The following MIS18A variants were observed in gnomAD, a reference collection of about 807,000 sequenced individuals.
The protein encoded by MIS18A is protein Mis18-alpha.
MIS18A carries 14 observed loss-of-function variants against 25.0 expected under a neutral mutation model. That is an observed-to-expected ratio of 0.56 (90% CI 0.37 to 0.88). The LOEUF is 0.88. MIS18A is among the 40% of genes least tolerant of loss of function. The probability of loss-of-function intolerance (pLI) is 0.00; values close to 1 mark genes in which losing one functional copy is unlikely to be tolerated. For missense variants in MIS18A, 292 were observed against 290.8 expected, an observed-to-expected ratio of 1.00 and a Z score of -0.03; for synonymous variants, 134 against 118.6, an observed-to-expected ratio of 1.13 and a Z score of -0.84.
At chr21:32,265,517 G>C (rs372721519), downstream of MIS18A, among the ~76,000 whole-genome samples, 1 of 152,206 alleles carries the variant, frequency 6.6e-6, no homozygotes, top group Non-Finnish European at 1.5e-5. Context: ...CAGCAGTGCC[G>C]GCCCACCGGC....
chr21:32,204,127 G>C, the MIS18A span, among the ~76,000 whole-genome samples: 2 of 152,124 alleles, frequency 1.3e-5, no homozygotes. Context: ...CAAATGAATC[G>C]ACAGACATAT....
At chr21:32,216,277 G>A in the MIS18A span, among the ~76,000 whole-genome samples, 2 of 152,066 alleles carry the variant, frequency 1.3e-5, no homozygotes, top group South Asian at 2.1e-4. Flanking sequence ...GCCCACAATC[G>A]CAGTGAAAAA....
the MIS18A span, among the ~76,000 whole-genome samples, chr21:32,168,504 T>C: frequency 5.3e-5 from 8 of 152,320 alleles, no homozygotes; most frequent in South Asian, 1.0e-3. Context: ...ATGGTAAATA[T>C]ATTGCTGAAA....
the MIS18A span, among the ~76,000 whole-genome samples, chr21:32,165,146 C>A: frequency 6.6e-6 from 1 of 152,072 alleles, no homozygotes; most frequent in Non-Finnish European, 1.5e-5. Flanking sequence ...CCAGCCTGAC[C>A]AACATGGAGA....
At chr21:32,275,195 G>A (rs937241485) in intron 1 of MIS18A, among the ~76,000 whole-genome samples, 8 of 152,040 alleles carry the variant, frequency 5.3e-5, no homozygotes, top group Non-Finnish European at 1.0e-4. Context: ...ACAACATAAC[G>A]AGACTCCATC....
chr21:32,276,095 C>T (rs1252638031), intron 1 of MIS18A, among the ~76,000 whole-genome samples: 2 of 152,164 alleles, frequency 1.3e-5, no homozygotes, highest in Non-Finnish European at 2.9e-5. Context: ...TTCTCTTTAA[C>T]CAGTCTCAAG....
chr21:32,276,601 T>C (rs1409047396), intron 1 of MIS18A, among the ~76,000 whole-genome samples: 1 of 152,124 alleles, frequency 6.6e-6, no homozygotes, highest in Non-Finnish European at 1.5e-5. Flanking sequence ...AGCTTTTTTA[T>C]GTTAATGAGT....
At chr21:32,256,515 C>T in the MIS18A span, among the ~76,000 whole-genome samples, 7 of 152,236 alleles carry the variant, frequency 4.6e-5, no homozygotes, top group Non-Finnish European at 7.4e-5. Context: ...CTGGTTTTCC[C>T]GGGACAATTG....
the MIS18A span, among the ~76,000 whole-genome samples, chr21:32,167,833 A>T: frequency 6.6e-6 from 1 of 152,226 alleles, no homozygotes; most frequent in Non-Finnish European, 1.5e-5. Flanking sequence ...AAGTCTGTTT[A>T]ACTGCCTGAG....
the MIS18A span, among the ~76,000 whole-genome samples, chr21:32,185,402 G>A: frequency 4.6e-5 from 7 of 152,188 alleles, no homozygotes; most frequent in African/African-American, 1.7e-4. Flanking sequence ...TCCAGAGGTA[G>A]TGCTCCCACA....
At chr21:32,255,035 A>T in the MIS18A span, among the ~76,000 whole-genome samples, 3 of 152,248 alleles carry the variant, frequency 2.0e-5, no homozygotes, top group Non-Finnish European at 4.4e-5. Context: ...AGTAATATAG[A>T]ATATGCACAG....
chr21:32,257,322 C>T, the MIS18A span, among the ~76,000 whole-genome samples: 2 of 152,206 alleles, frequency 1.3e-5, no homozygotes, highest in African/African-American at 4.8e-5. Context: ...GCCAGAGATG[C>T]TGTTAAATAA....
At chr21:32,192,653 C>G in the MIS18A span, among the ~76,000 whole-genome samples, 1 of 152,250 alleles carries the variant, frequency 6.6e-6, no homozygotes, top group Non-Finnish European at 1.5e-5. Context: ...TGCCCATTAG[C>G]AGGGAGCAGG....
the MIS18A span, among the ~76,000 whole-genome samples, chr21:32,183,866 C>T: frequency 1.3e-4 from 20 of 152,322 alleles, no homozygotes; most frequent in East Asian, 3.7e-3. Context: ...GTGCACCACA[C>T]CTGAATGCAG....
the MIS18A span, among the ~76,000 whole-genome samples, chr21:32,211,750 A>G: frequency 6.6e-6 from 1 of 152,248 alleles, no homozygotes; most frequent in Non-Finnish European, 1.5e-5. Flanking sequence ...GATGGACTTC[A>G]TAATCATGCA....
the MIS18A span, among the ~76,000 whole-genome samples, chr21:32,250,180 T>TC: frequency 6.6e-6 from 1 of 152,112 alleles, no homozygotes; most frequent in East Asian, 1.9e-4. Context: ...CTTGCCCCTT[T>TC]TTTTTTCCAA....
chr21:32,266,735 G>A (rs1156905698), downstream of MIS18A, among the ~76,000 whole-genome samples: 1 of 151,892 alleles, frequency 6.6e-6, no homozygotes, highest in East Asian at 1.9e-4. Context: ...GCCACCTTAA[G>A]AGCTGTAACA....
At position 32,278,899 on chromosome 21, in the gene MIS18A, G is replaced by C. The variant is rs754163864; in HGVS notation, c.116C>G (p.Ser39Trp). The change falls in exon 1 of 5, where the codon TCG (serine) becomes TGG (tryptophan). Residue 39 changes from serine (S) to tryptophan (W), a missense_variant. By Grantham distance (177) the Ser-to-Trp change is radical. Coordinates refer to ENST00000290130, the MANE Select transcript of MIS18A (RefSeq NM_018944.3). ...SLLGKRLSED[S>W]SRHQLLQKWA... is the part of the protein sequence containing the mutation. ...CTTCTGCAACAGCTGGTGGCGGCTC[G>C]AGTCTTCGGAGAGTCTCTTGCCCAA... 2 of 1,613,314 alleles carry C rather than the reference G, an allele frequency of 1.2e-6. No homozygotes were observed. Among genetic ancestry groups the C allele is most frequent in the Middle Eastern group, 1.6e-4 (1 of 6,082 alleles).
At chr21:32,266,589 G>A (rs1302940954), downstream of MIS18A, among the ~76,000 whole-genome samples, 1 of 151,768 alleles carries the variant, frequency 6.6e-6, no homozygotes, top group Non-Finnish European at 1.5e-5. Context: ...AACAACTCCA[G>A]ACGCGCTGCC....
Sources: gnomAD v4.1 joint callset for allele counts (sites outside exome capture counted in the v4.1 genomes callset) on GRCh38, gnomAD v4.1.1 for gene constraint, MANE v1.5 for transcripts, NCBI Gene and HGNC (gene_info 2026-07-23, HGNC 2026-07-21) for gene names.